The following RAPGEF6 variants were observed in gnomAD, a reference collection of about 807,000 sequenced individuals.
RAPGEF6 encodes the protein Rap guanine nucleotide exchange factor 6.
In RAPGEF6, 56 loss-of-function variants were observed where a neutral mutation model predicts 171.4. That is an observed-to-expected ratio of 0.33 (90% CI 0.26 to 0.41). The LOEUF (loss-of-function observed/expected upper bound fraction) is 0.41, where lower values mean the gene tolerates loss of function less well. Ranked by LOEUF, RAPGEF6 falls within the 10% of genes least tolerant of loss-of-function variation. The pLI is 1.00. For missense variants in RAPGEF6, 1,674 were observed against 1,921.4 expected, an observed-to-expected ratio of 0.87 and a Z score of 2.41; for synonymous variants, 692 against 650.1, an observed-to-expected ratio of 1.06 and a Z score of -0.98.
intron 17 of RAPGEF6, among the ~76,000 whole-genome samples, chr5:131,468,765 G>A (rs979456099): frequency 1.3e-5 from 2 of 152,104 alleles, no homozygotes; most frequent in African/African-American, 4.8e-5. Flanking sequence ...CGAGCTCGAC[G>A]AAAGACAAGA....
chr5:131,518,396 G>GA (rs1192814518), intron 7 of RAPGEF6, among the ~76,000 whole-genome samples: 1 of 103,238 alleles, frequency 9.7e-6, no homozygotes, highest in East Asian at 2.3e-4. Context: ...GTCAGAGTTT[G>GA]AAATTTTTTT....
chr5:131,635,033 C>A lies in RAPGEF6; in HGVS notation c.-3G>T, dbSNP rs748116941. ...CCAGGGTCCACGGGTGAGTTCATGG[C>A]CACGGCCCGGGTACTCCGCAGCCTG... On this transcript the variant is annotated 5_prime_UTR_variant, in exon 1 of 28. Transcript: ENST00000509018. 5.0e-6 allele frequency: 8 copies of A among 1,605,202 alleles called. No individual in the cohort carries two copies. The Admixed American group carries it at 1.0e-4, about 20-fold the overall frequency.
At chr5:131,552,763 C>T (rs917846872) in intron 5 of RAPGEF6, among the ~76,000 whole-genome samples, 3 of 151,890 alleles carry the variant, frequency 2.0e-5, no homozygotes, top group Non-Finnish European at 4.4e-5. Context: ...ACCAGGCCAA[C>T]AAAAATGCAA....
intron 3 of RAPGEF6, among the ~76,000 whole-genome samples, 182 bp from the exon 4 acceptor site, chr5:131,592,648 T>C (rs765739248): frequency 6.6e-6 from 1 of 152,196 alleles, no homozygotes; most frequent in East Asian, 1.9e-4. Flanking sequence ...TTATGTGAAA[T>C]AAAAGTATAA....
intron 15 of RAPGEF6, among the ~76,000 whole-genome samples, chr5:131,484,827 A>C (rs1333483831): frequency 6.6e-6 from 1 of 152,232 alleles, no homozygotes; most frequent in African/African-American, 2.4e-5. Context: ...AATATTGTAC[A>C]CAGTATGGTT....
intron 3 of RAPGEF6, among the ~76,000 whole-genome samples, chr5:131,599,581 T>G (rs1013493633): frequency 6.6e-6 from 1 of 152,160 alleles, no homozygotes; most frequent in African/African-American, 2.4e-5. Context: ...GAGAAAAAGA[T>G]AGTTTTTCAA....
intron 13 of RAPGEF6, among the ~76,000 whole-genome samples, chr5:131,495,251 C>T (rs1473247129): frequency 6.6e-6 from 1 of 150,990 alleles, no homozygotes; most frequent in Non-Finnish European, 1.5e-5. Flanking sequence ...GCCAAGATTG[C>T]ACCACTGCAC....
At chr5:131,566,350 G>A (rs1472596626) in intron 4 of RAPGEF6, among the ~76,000 whole-genome samples, 2 of 151,976 alleles carry the variant, frequency 1.3e-5, no homozygotes, top group Admixed American at 6.6e-5. Flanking sequence ...TGTGGTTTTT[G>A]CCTATTATTT....
intron 5 of RAPGEF6, among the ~76,000 whole-genome samples, chr5:131,559,405 A>G (rs1220008590): frequency 6.6e-6 from 1 of 152,214 alleles, no homozygotes; most frequent in East Asian, 1.9e-4. Context: ...TGATTTTACT[A>G]AGGACAATTT....
At position 131,621,149 on chromosome 5, in the gene RAPGEF6, A is replaced by C. The variant is rs182055304; in HGVS notation, c.69+13813T>G. Among the ~76,000 whole-genome samples, 211 of 152,252 alleles carry C rather than the reference A, an allele frequency of 1.4e-3. 1 individual carries two copies. Among genetic ancestry groups the C allele is most frequent in the African/African-American group, 4.8e-3 (201 of 41,540 alleles). ...CCTTCCCTTCTACACTTAAATTTCT[A>C]TATATAGTTGTTCCTTGGTATCCAC... On this transcript the variant is annotated intron_variant, in intron 1 of 27. Transcript: ENST00000509018.
intron 1 of RAPGEF6, among the ~76,000 whole-genome samples, chr5:131,616,182 A>G (rs1286873327): frequency 6.6e-6 from 1 of 152,190 alleles, no homozygotes; most frequent in Non-Finnish European, 1.5e-5. Flanking sequence ...CCTCTCAGCC[A>G]GTAGTTTTTA....
chr5:131,535,312 C>T (rs1759691686), intron 6 of RAPGEF6, among the ~76,000 whole-genome samples: 1 of 152,136 alleles, frequency 6.6e-6, no homozygotes, highest in Non-Finnish European at 1.5e-5. Context: ...ATAATGACTT[C>T]ACCTTTTAAC....
At chr5:131,520,596 T>A (rs1179126410) in intron 7 of RAPGEF6, among the ~76,000 whole-genome samples, 1 of 152,190 alleles carries the variant, frequency 6.6e-6, no homozygotes. Flanking sequence ...AAACCAACCC[T>A]CAATATCATG....
In RAPGEF6 at chr5:131,439,674, T is replaced by C; in HGVS notation, c.3652A>G (p.Ile1218Val). The part of the protein sequence containing the change: ...PQKVLGTTEE[I>V]SGKKHTEDTI... ...TCTTCTGTATGCTTCTTACCACTTATTTCTTCAGTTGTTCCTAAAACTTTC... is the reference window on the plus strand; with the variant it reads ...TCTTCTGTATGCTTCTTACCACTTACTTCTTCAGTTGTTCCTAAAACTTTC... The change falls in exon 24 of 28, where the codon ATA (isoleucine) becomes GTA (valine). Residue 1218 changes from isoleucine (I) to valine (V), a missense_variant. Ile to Val is a conservative substitution (Grantham distance 29). This residue lies in a region of RAPGEF6 where 552 missense variants were observed against 574.2 expected (regional missense o/e 0.96). Coordinates refer to ENST00000509018, the MANE Select transcript of RAPGEF6 (RefSeq NM_016340.6). 1.2e-6 allele frequency: 2 copies of C among 1,612,646 alleles called. No homozygotes were observed. Among genetic ancestry groups the C allele is most frequent in the Non-Finnish European group, 1.7e-6 (2 of 1,179,578 alleles).
intron 6 of RAPGEF6, among the ~76,000 whole-genome samples, chr5:131,521,887 ACACACTCT>A (rs1365691324): frequency 0.01 from 1,369 of 130,664 alleles, 8 homozygotes; most frequent in African/African-American, 0.013. Flanking sequence ...ACACACACAC[ACACACTCT>A]CTCTCTCTCT....
Position 131,592,427 on chromosome 5 carries a change from A to G in RAPGEF6, c.237T>C (p.Ser79=). The change falls in exon 4 of 28, where the codon TCT becomes TCC. Residue 79 remains serine (S), a synonymous_variant. Coordinates refer to ENST00000509018, the MANE Select transcript of RAPGEF6 (RefSeq NM_016340.6). ...TGGAGCCTTTCACAAGCACAGATCC[A>G]GAAAGTAGGATATACCAACATCTGG... is the stretch of plus-strand genomic sequence containing the variant. The part of the protein sequence containing the change: ...TIARCWYILL[S]GSVLVKGSMV... 6.2e-7 allele frequency: 1 copy of G among 1,614,022 alleles called. No individual in the cohort carries two copies. The highest frequency in any genetic ancestry group is 8.5e-7 in the Non-Finnish European group (1 of 1,179,890).
chr5:131,456,041 A>G (rs1473647058), intron 19 of RAPGEF6, 29 bp from the exon 20 acceptor site: 7 of 1,594,510 alleles, frequency 4.4e-6, no homozygotes, highest in Non-Finnish European at 6.0e-6. Flanking sequence ...GAAACATTAA[A>G]AAGAAACTTG....
intron 21 of RAPGEF6, chr5:131,450,029 C>A: frequency 6.5e-7 from 1 of 1,543,560 alleles, no homozygotes; most frequent in Non-Finnish European, 8.7e-7. Context: ...TTACCCCAGA[C>A]TCCGCCACCT....
chr5:131,452,966 A>G, intron 21 of RAPGEF6, 88 bp downstream of exon 21: 1 of 1,473,798 alleles, frequency 6.8e-7, no homozygotes, highest in Non-Finnish European at 9.1e-7. Context: ...ACATGGTAGA[A>G]TAAATATGAT....
Sources: allele counts gnomAD v4.1 joint callset (sites outside exome capture counted in the v4.1 genomes callset), GRCh38; gene constraint gnomAD v4.1.1; regional missense constraint gnomAD v4.1.1; transcripts MANE v1.5; gene names NCBI Gene and HGNC (gene_info 2026-07-23, HGNC 2026-07-21).